Variants in CEP112 observed in about 807,000 individuals in gnomAD.
The protein encoded by CEP112 is centrosomal protein 112, also known as centrosomal protein of 112 kDa.
A neutral mutation model predicts 153.0 loss-of-function variants in CEP112; 127 were observed. The observed-to-expected ratio is 0.83, with a 90% CI of 0.72 to 0.96. The LOEUF (loss-of-function observed/expected upper bound fraction) is 0.96. Ranked by LOEUF, CEP112 falls within the 40% of genes least tolerant of loss-of-function variation. The pLI, the probability that CEP112 is intolerant of heterozygous loss-of-function variation, is 0.00. For missense variants in CEP112, 1,089 were observed against 1,101.2 expected (o/e 0.99, Z 0.16); for synonymous variants, 358 against 374.4 (o/e 0.96, Z 0.51).
At chr17:65,841,586 A>C (rs2057520680) in intron 21 of CEP112, among the ~76,000 whole-genome samples, 1 of 152,044 alleles carries the variant, frequency 6.6e-6, no homozygotes, top group African/African-American at 2.4e-5. Context: ...ATTTGACAGC[A>C]CAGTGGGGTG....
intron 17 of CEP112, among the ~76,000 whole-genome samples, chr17:66,003,399 T>C (rs1165262707): frequency 6.6e-6 from 1 of 152,200 alleles, no homozygotes; most frequent in African/African-American, 2.4e-5. Flanking sequence ...TATTGTTATA[T>C]ACATAAACTC....
chr17:65,730,766 AC>A (rs1567929768), intron 23 of CEP112, among the ~76,000 whole-genome samples: 1 of 79,216 alleles, frequency 1.3e-5, no homozygotes, highest in African/African-American at 5.1e-5. Flanking sequence ...TACAACCCCC[AC>A]CCCCCGCCCC....
chr17:65,743,828 C>T (rs2051277134), intron 22 of CEP112, among the ~76,000 whole-genome samples: 1 of 151,594 alleles, frequency 6.6e-6, no homozygotes, highest in Non-Finnish European at 1.5e-5. Flanking sequence ...ATGGCGTGAT[C>T]TTGGCTCACT....
chr17:65,712,425 G>A (rs747269291), intron 23 of CEP112, among the ~76,000 whole-genome samples: 4 of 151,456 alleles, frequency 2.6e-5, no homozygotes, highest in South Asian at 2.1e-4. Context: ...CAGGTGGAAC[G>A]CTGCCTGGAG....
chr17:66,046,811 G>A (rs1310733479), intron 12 of CEP112, among the ~76,000 whole-genome samples: 2 of 5,478 alleles, frequency 3.7e-4, no homozygotes, highest in Admixed American at 3.2e-3. Flanking sequence ...AAATGCAAAT[G>A]TTGACAGCAG....
At chr17:66,055,142 A>G (rs1878689) in intron 11 of CEP112, among the ~76,000 whole-genome samples, 62,430 of 151,962 alleles carry the variant, frequency 0.41, 14,296 homozygotes, top group East Asian at 0.87. Context: ...ATTTGACTAG[A>G]AAGATACTGG....
chr17:65,833,908 A>G (rs2057192931), intron 21 of CEP112, among the ~76,000 whole-genome samples: 1 of 152,244 alleles, frequency 6.6e-6, no homozygotes, highest in African/African-American at 2.4e-5. Flanking sequence ...TCCAAAGTAA[A>G]GAGAACAAAG....
chr17:65,751,292 G>A (rs1279628882), intron 21 of CEP112, among the ~76,000 whole-genome samples: 1 of 152,114 alleles, frequency 6.6e-6, no homozygotes, highest in African/African-American at 2.4e-5. Context: ...GAAATAGGGT[G>A]GCCTTTCCAC....
intron 12 of CEP112, among the ~76,000 whole-genome samples, chr17:66,036,772 T>G (rs1369878991): frequency 6.6e-6 from 1 of 152,190 alleles, no homozygotes; most frequent in Non-Finnish European, 1.5e-5. Context: ...GACTTTGATA[T>G]TCTGCTCATG....
At chr17:65,757,373 A>G (rs1371629428) in intron 21 of CEP112, among the ~76,000 whole-genome samples, 1 of 152,210 alleles carries the variant, frequency 6.6e-6, no homozygotes, top group Non-Finnish European at 1.5e-5. Flanking sequence ...AGGAAGAAAG[A>G]TTCATCAGCT....
At chr17:66,083,527 C>A (rs987051507) in intron 8 of CEP112, among the ~76,000 whole-genome samples, 2 of 152,122 alleles carry the variant, frequency 1.3e-5, no homozygotes, top group African/African-American at 4.8e-5. Flanking sequence ...ATTTCAAACT[C>A]CTAAATTTTT....
chr17:65,970,464 A>AT (rs5821563), intron 17 of CEP112, among the ~76,000 whole-genome samples: 5 of 13,844 alleles, frequency 3.6e-4, no homozygotes, highest in Admixed American at 2.4e-3. Context: ...ATGCATGCAC[A>AT]CATGCATGTA....
At chr17:66,040,349 T>C (rs1428863475) in intron 12 of CEP112, among the ~76,000 whole-genome samples, 1 of 152,196 alleles carries the variant, frequency 6.6e-6, no homozygotes, top group Non-Finnish European at 1.5e-5. Flanking sequence ...GCTTCTTTTG[T>C]GGGCTGCCTA....
chr17:66,148,394 T>C (rs948035337), intron 4 of CEP112, among the ~76,000 whole-genome samples: 1 of 152,168 alleles, frequency 6.6e-6, no homozygotes, highest in Non-Finnish European at 1.5e-5. Context: ...CTGAAAAAAA[T>C]ACACTGTTGG....
chr17:65,805,817 C>A (rs1440436485), intron 21 of CEP112, among the ~76,000 whole-genome samples: 1 of 152,138 alleles, frequency 6.6e-6, no homozygotes, highest in African/African-American at 2.4e-5. Flanking sequence ...TAGAATCTCT[C>A]AATGTTCTGC....
intron 17 of CEP112, among the ~76,000 whole-genome samples, chr17:65,990,769 G>C (rs1339411909): frequency 6.6e-6 from 1 of 152,236 alleles, no homozygotes; most frequent in Non-Finnish European, 1.5e-5. Flanking sequence ...CAGTGGACTA[G>C]AGGGGCACAC....
intron 8 of CEP112, among the ~76,000 whole-genome samples, chr17:66,085,710 G>A (rs1167210653): frequency 4.6e-5 from 7 of 152,200 alleles, no homozygotes; most frequent in Non-Finnish European, 1.0e-4. Context: ...TGAGCACGGT[G>A]GCTCACGCCT....
chr17:65,787,997 T>C (rs2054370529), intron 21 of CEP112, among the ~76,000 whole-genome samples: 1 of 152,210 alleles, frequency 6.6e-6, no homozygotes, highest in African/African-American at 2.4e-5. Flanking sequence ...CTTTCCTGAT[T>C]TTAAAGGGAA....
chr17:66,189,768 C>T (rs1402974200), intron 1 of CEP112, among the ~76,000 whole-genome samples: 2 of 152,160 alleles, frequency 1.3e-5, no homozygotes, highest in Non-Finnish European at 2.9e-5. Flanking sequence ...TGGTGGCTCA[C>T]ATCTGTAATC....
Sources: gnomAD v4.1 joint callset for allele counts (sites outside exome capture counted in the v4.1 genomes callset) on GRCh38, gnomAD v4.1.1 for gene constraint, MANE v1.5 for transcripts, NCBI Gene and HGNC (gene_info 2026-07-23, HGNC 2026-07-21) for gene names.